GALNT17: variants seen among roughly 807,000 people sequenced by gnomAD.
GALNT17 encodes polypeptide N-acetylgalactosaminyltransferase 17.
In GALNT17, 29 loss-of-function variants were observed where a neutral mutation model predicts 63.7. The observed-to-expected ratio is 0.46, with a 90% CI of 0.34 to 0.62. The LOEUF (loss-of-function observed/expected upper bound fraction) is 0.62, where lower values mean the gene tolerates loss of function less well. Among genes scored for constraint, GALNT17 ranks in the 20% least tolerant of loss-of-function variants. The pLI, the probability that GALNT17 is intolerant of heterozygous loss-of-function variation, is 0.01. For synonymous variants in GALNT17, 305 were observed against 318.3 expected (o/e 0.96, Z 0.45); for missense variants, 603 against 799.6 (o/e 0.75, Z 2.97).
At chr7:71,281,537 C>T (rs1790776698) in intron 1 of GALNT17, among the ~76,000 whole-genome samples, 1 of 152,158 alleles carries the variant, frequency 6.6e-6, no homozygotes, top group Admixed American at 6.5e-5. Flanking sequence ...CCAGAGAGTG[C>T]AGCAGGATCC....
At position 71,687,614 on chromosome 7, in the gene GALNT17, C is replaced by A. The variant is rs1475630085; in HGVS notation, c.1500+10308C>A. Among the ~76,000 whole-genome samples the A allele has an allele frequency of 2.6e-5, 4 of 152,188 alleles. No homozygotes were observed. In the East Asian group the frequency reaches 7.7e-4, roughly 29 times the overall value. ...TTTGATAAGAAGCAAACTTGATCATCCCTTTCCATCCACGAAAACCCAATT... is the reference window on the plus strand; with the variant it reads ...TTTGATAAGAAGCAAACTTGATCATACCTTTCCATCCACGAAAACCCAATT... On this transcript the variant is annotated intron_variant, in intron 9 of 10. Transcript: ENST00000333538.
chr7:71,476,316 C>A (rs911444032), intron 5 of GALNT17, among the ~76,000 whole-genome samples: 2 of 152,124 alleles, frequency 1.3e-5, no homozygotes, highest in Admixed American at 6.6e-5. Context: ...CCCTGCCCTT[C>A]CAGCTGGATA....
At chr7:71,669,861 C>G (rs1584125100) in intron 7 of GALNT17, 111 bp from the exon 8 acceptor site, 1 of 1,412,374 alleles carries the variant, frequency 7.1e-7, no homozygotes. Context: ...GTGCCCAGCC[C>G]AGGCTTAAGA....
intron 3 of GALNT17, among the ~76,000 whole-genome samples, chr7:71,411,011 G>GT (rs760352823): frequency 1.3e-5 from 2 of 152,108 alleles, no homozygotes; most frequent in Non-Finnish European, 2.9e-5. Flanking sequence ...TCTTCTCTGA[G>GT]TTTTTTGTGA....
At chr7:71,331,288 G>A (rs530084639) in intron 1 of GALNT17, among the ~76,000 whole-genome samples, 44 of 152,148 alleles carry the variant, frequency 2.9e-4, no homozygotes, top group South Asian at 2.1e-3. Context: ...ATCACTGACC[G>A]CTGCCTTAAA....
chr7:71,409,017 A>AACACAC (rs10674037), intron 3 of GALNT17, among the ~76,000 whole-genome samples: 7,917 of 144,794 alleles, frequency 0.055, 340 homozygotes, highest in African/African-American at 0.11. Context: ...CACATACACA[A>AACACAC]ACACACACAC....
At chr7:71,584,692 A>T (rs866018330) in intron 6 of GALNT17, among the ~76,000 whole-genome samples, 10 of 152,370 alleles carry the variant, frequency 6.6e-5, no homozygotes, top group Middle Eastern at 3.4e-3. Context: ...AGCAAGGTCT[A>T]CACACTGCAT....
At chr7:71,607,580 T>G (rs996954666) in intron 6 of GALNT17, among the ~76,000 whole-genome samples, 1 of 152,228 alleles carries the variant, frequency 6.6e-6, no homozygotes, top group African/African-American at 2.4e-5. Flanking sequence ...ACTATTTGTT[T>G]GTTGTTAATT....
rs188913614 is a variant in GALNT17 at position 71,528,940 on chromosome 7, A to G, written c.963-42345A>G. 3.1e-4 allele frequency among the ~76,000 whole-genome samples: 47 copies of G among 152,102 alleles called. 1 individual carries two copies. Among genetic ancestry groups the G allele is most frequent in the African/African-American group, 1.0e-3 (43 of 41,502 alleles). On this transcript the variant is annotated intron_variant, in intron 5 of 10. Transcript: ENST00000333538. Reference sequence around the variant, plus strand: ...ACCTGAGGTCAGGAGTTGGAGACCAACCTGGCCAACATGGTGAAAGCCCGT... The same window carrying G: ...ACCTGAGGTCAGGAGTTGGAGACCAGCCTGGCCAACATGGTGAAAGCCCGT...
intron 1 of GALNT17, among the ~76,000 whole-genome samples, chr7:71,293,824 C>T (rs1270476036): frequency 6.6e-6 from 1 of 152,114 alleles, no homozygotes; most frequent in Admixed American, 6.6e-5. Flanking sequence ...ATGGTATTTT[C>T]TTTGAATGTG....
chr7:71,506,907 C>T (rs776509810), intron 5 of GALNT17, among the ~76,000 whole-genome samples: 2 of 152,208 alleles, frequency 1.3e-5, no homozygotes, highest in African/African-American at 2.4e-5. Context: ...TTTGCAGCAA[C>T]CTAATAGTTG....
At chr7:71,291,119 A>G (rs1034026930) in intron 1 of GALNT17, among the ~76,000 whole-genome samples, 2 of 152,352 alleles carry the variant, frequency 1.3e-5, no homozygotes, top group Non-Finnish European at 2.9e-5. Context: ...ACCCATGATT[A>G]TTAATATATT....
chr7:71,242,106 A>G (rs1259941876), intron 1 of GALNT17, among the ~76,000 whole-genome samples: 1 of 151,950 alleles, frequency 6.6e-6, no homozygotes, highest in Non-Finnish European at 1.5e-5. Context: ...CCTTTTAAAC[A>G]ACCAGCTTTC....
intron 2 of GALNT17, among the ~76,000 whole-genome samples, chr7:71,384,743 C>T (rs1792909377): frequency 1.3e-5 from 2 of 152,110 alleles, no homozygotes. Flanking sequence ...ATCTCTAAAG[C>T]TTACAAGATT....
At chr7:71,211,350 A>C (rs1369924446) in intron 1 of GALNT17, among the ~76,000 whole-genome samples, 1 of 152,264 alleles carries the variant, frequency 6.6e-6, no homozygotes, top group Admixed American at 6.5e-5. Context: ...GCTGCCATGT[A>C]AGATGCGGCA....
Position 71,547,156 on chromosome 7 carries a change from C to CTTA in GALNT17, c.963-24108_963-24106dup, listed in dbSNP as rs566358604. Among the ~76,000 whole-genome samples the CTTA allele has an allele frequency of 9.1e-3, 1,363 of 148,996 alleles. 16 individuals are homozygous for CTTA. Among genetic ancestry groups the CTTA allele is most frequent in the African/African-American group, 0.031 (1,261 of 40,364 alleles). ...ACAGGCATGCAACACCACACCCAGT[C>CTTA]TTATTATTATTATTATTATTATTTT... is the stretch of plus-strand genomic sequence containing the variant. On this transcript the variant is annotated intron_variant, in intron 5 of 10. Coordinates refer to ENST00000333538, the MANE Select transcript of GALNT17 (RefSeq NM_022479.3).
intron 1 of GALNT17, among the ~76,000 whole-genome samples, chr7:71,306,132 A>T (rs1396236021): frequency 1.3e-5 from 2 of 152,208 alleles, no homozygotes; most frequent in African/African-American, 4.8e-5. Context: ...AGGCAGGAGA[A>T]TCACTTGAAC....
chr7:71,705,832 C>T (rs373685430), intron 9 of GALNT17, among the ~76,000 whole-genome samples: 2 of 152,164 alleles, frequency 1.3e-5, no homozygotes, highest in African/African-American at 2.4e-5. Context: ...CAATCAGTAG[C>T]ATCTCCAGGC....
intron 1 of GALNT17, among the ~76,000 whole-genome samples, chr7:71,272,338 C>G (rs923787525): frequency 6.6e-6 from 1 of 152,118 alleles, no homozygotes; most frequent in Non-Finnish European, 1.5e-5. Flanking sequence ...TGGGTAGATA[C>G]GTAGGAATGG....
Sources: allele counts gnomAD v4.1 joint callset (sites outside exome capture counted in the v4.1 genomes callset), GRCh38; gene constraint gnomAD v4.1.1; transcripts MANE v1.5; gene names NCBI Gene and HGNC (gene_info 2026-07-23, HGNC 2026-07-21).